Variants in DOCK4 observed in about 807,000 individuals in gnomAD.
DOCK4 encodes the protein dedicator of cytokinesis 4, also known as dedicator of cytokinesis protein 4.
A neutral mutation model predicts 268.1 loss-of-function variants in DOCK4; 97 were observed. The ratio of observed to expected loss-of-function variants is 0.36; its 90% CI spans 0.31 to 0.43. The LOEUF (loss-of-function observed/expected upper bound fraction) is 0.43, where lower values mean the gene tolerates loss of function less well. Among genes scored for constraint, DOCK4 ranks in the 20% least tolerant of loss-of-function variants. DOCK4 has a pLI of 1.00. For synonymous variants in DOCK4, 954 were observed against 887.2 expected, an observed-to-expected ratio of 1.08 and a Z score of -1.34; for missense variants, 2,145 against 2,455.7, an observed-to-expected ratio of 0.87 and a Z score of 2.67.
At chr7:111,932,707 G>T (rs1284868618) in intron 12 of DOCK4, among the ~76,000 whole-genome samples, 4 of 151,870 alleles carry the variant, frequency 2.6e-5, no homozygotes, top group African/African-American at 9.7e-5. Context: ...ATTATTGATG[G>T]GTATTTTACA....
intron 1 of DOCK4, among the ~76,000 whole-genome samples, chr7:112,012,577 T>C (rs1225785914): frequency 6.6e-6 from 1 of 152,190 alleles, no homozygotes; most frequent in Non-Finnish European, 1.5e-5. Flanking sequence ...GGCAACTGCT[T>C]TTCCCACAAT....
At chr7:111,845,019 TCTC>T in intron 24 of DOCK4, 122 bp from the exon 25 acceptor site, 1 of 1,347,564 alleles carries the variant, frequency 7.4e-7, no homozygotes, top group South Asian at 1.4e-5. Flanking sequence ...AAGTGAATGA[TCTC>T]CTTTTACAGT....
At chr7:112,192,977 C>T (rs1820111141) in intron 1 of DOCK4, among the ~76,000 whole-genome samples, 1 of 152,152 alleles carries the variant, frequency 6.6e-6, no homozygotes, top group Non-Finnish European at 1.5e-5. Context: ...AATATTGCTT[C>T]ATTCTCTTCA....
intron 23 of DOCK4, among the ~76,000 whole-genome samples, chr7:111,858,650 G>C (rs1450091649): frequency 6.6e-6 from 1 of 152,106 alleles, no homozygotes; most frequent in Non-Finnish European, 1.5e-5. Flanking sequence ...TCAGGCCTTT[G>C]GTCTCAGACT....
chr7:111,800,575 A>G, intron 30 of DOCK4, among the ~76,000 whole-genome samples: 1 of 152,196 alleles, frequency 6.6e-6, no homozygotes, highest in East Asian at 1.9e-4. Flanking sequence ...AACAGGTGTC[A>G]AACTCTACTG....
chr7:111,872,115 T>C (rs1806478858), intron 19 of DOCK4, 25 bp from the exon 20 acceptor site: 1 of 1,501,392 alleles, frequency 6.7e-7, no homozygotes, highest in Non-Finnish European at 8.9e-7. Context: ...TTGAGCTTTA[T>C]AAAACTAAAT....
chr7:111,739,376 C>T lies in DOCK4; in HGVS notation c.5122+20G>A. The T allele has an allele frequency of 1.3e-6, 2 of 1,593,930 alleles. No individual in the cohort carries two copies. The highest frequency in any genetic ancestry group is 1.3e-5 in the African/African-American group (1 of 74,652). On this transcript the variant is annotated intron_variant, in intron 48 of 52. Coordinates refer to ENST00000428084, the MANE Select transcript of DOCK4 (RefSeq NM_001363540.2). The stretch of plus-strand genomic sequence containing the variant: ...AGGTTCTCTGGGCACCCTCAGTCTT[C>T]CCCACACTCTGGCACTGACCTCTGG...
intron 27 of DOCK4, chr7:111,820,697 T>A (rs150836411): frequency 1.3e-5 from 2 of 152,340 alleles, no homozygotes; most frequent in African/African-American, 4.8e-5. Flanking sequence ...ATGTAAGGAA[T>A]AAAATGTCAA....
chr7:112,096,451 G>A (rs938951192), intron 1 of DOCK4, among the ~76,000 whole-genome samples: 7 of 152,124 alleles, frequency 4.6e-5, no homozygotes, highest in African/African-American at 1.7e-4. Flanking sequence ...CCAAAGTGCT[G>A]GGATTACAGG....
chr7:111,856,927 C>A (rs1246823593), intron 23 of DOCK4, among the ~76,000 whole-genome samples: 1 of 152,146 alleles, frequency 6.6e-6, no homozygotes, highest in Non-Finnish European at 1.5e-5. Flanking sequence ...AATGGTCCTG[C>A]ATTATTACTC....
Position 111,933,263 on chromosome 7 carries a change from TATATATAC to T in DOCK4, c.1066+2269_1066+2276del, listed in dbSNP as rs1349542292. Among the ~76,000 whole-genome samples the T allele has an allele frequency of 4.2e-3, 581 of 137,784 alleles. 6 individuals carry two copies. The highest frequency in any genetic ancestry group is 7.8e-3 in the Non-Finnish European group (499 of 63,690). The allele number at this position is 137,784 out of a possible 152,430, so 90.4% of individuals were successfully genotyped here. A position where few individuals can be genotyped will look rare whatever the true frequency, so the allele number is the denominator to read the frequency against. On this transcript the variant is annotated intron_variant, in intron 12 of 52. Coordinates refer to ENST00000428084, the MANE Select transcript of DOCK4 (RefSeq NM_001363540.2). ...ACGTATATATACATATATACTTATA[TATATATAC>T]ATATATACATATATATATATATATA...
chr7:112,166,148 T>C (rs1190614010), intron 1 of DOCK4, among the ~76,000 whole-genome samples: 1 of 152,182 alleles, frequency 6.6e-6, no homozygotes, highest in East Asian at 1.9e-4. Context: ...ATGTCCACTA[T>C]ACAATCTGAA....
At chr7:111,976,323 C>G (rs1798208399) in intron 8 of DOCK4, among the ~76,000 whole-genome samples, 1 of 87,468 alleles carries the variant, frequency 1.1e-5, no homozygotes, top group Non-Finnish European at 2.1e-5. Flanking sequence ...ATATATGAGA[C>G]TCGGTATTGC....
chr7:111,817,205 A>G (rs1801620635), intron 27 of DOCK4, among the ~76,000 whole-genome samples: 1 of 152,238 alleles, frequency 6.6e-6, no homozygotes, highest in Non-Finnish European at 1.5e-5. Context: ...TAACTATTCA[A>G]GTTTGGCACA....
At chr7:112,051,234 T>A (rs781112698) in intron 1 of DOCK4, among the ~76,000 whole-genome samples, 4 of 152,106 alleles carry the variant, frequency 2.6e-5, no homozygotes, top group South Asian at 2.1e-4. Context: ...AAAAGTTTCA[T>A]GCATTAATTA....
chr7:111,856,747 G>A (rs969036802), intron 23 of DOCK4, among the ~76,000 whole-genome samples: 5 of 152,090 alleles, frequency 3.3e-5, no homozygotes, highest in Admixed American at 6.6e-5. Flanking sequence ...ACGGGTAAGC[G>A]GGAAGAGGAG....
chr7:111,748,863 A>G (rs10232609), intron 42 of DOCK4, among the ~76,000 whole-genome samples: 43,750 of 152,070 alleles, frequency 0.29, 6,727 homozygotes, highest in South Asian at 0.49. Context: ...ATATTGTGAT[A>G]TGTTCATGGA....
chr7:111,787,810 T>G (rs751678579), intron 32 of DOCK4, among the ~76,000 whole-genome samples: 2 of 152,248 alleles, frequency 1.3e-5, no homozygotes, highest in African/African-American at 4.8e-5. Context: ...ATTTTGCACT[T>G]CTGAAAGAAC....
intron 32 of DOCK4, among the ~76,000 whole-genome samples, chr7:111,786,916 C>T (rs768520553): frequency 6.6e-6 from 1 of 151,938 alleles, no homozygotes; most frequent in African/African-American, 2.4e-5. Context: ...ATATGCTGAT[C>T]GTAAAAGCAT....
Sources: gnomAD v4.1 joint callset for allele counts (sites outside exome capture counted in the v4.1 genomes callset) on GRCh38, gnomAD v4.1.1 for gene constraint, MANE v1.5 for transcripts, NCBI Gene and HGNC (gene_info 2026-07-23, HGNC 2026-07-21) for gene names.